The following HGS variants were observed in gnomAD, a reference collection of about 807,000 sequenced individuals.
HGS encodes the protein hepatocyte growth factor-regulated tyrosine kinase substrate, also known as human growth factor-regulated tyrosine kinase substrate.
A neutral mutation model predicts 109.7 loss-of-function variants in HGS; 63 were observed. The ratio of observed to expected loss-of-function variants is 0.57; its 90% CI spans 0.47 to 0.71. The LOEUF is 0.71. Among genes scored for constraint, HGS ranks in the 30% least tolerant of loss-of-function variants. The pLI is 0.00. For missense variants in HGS, 995 were observed against 1,068.3 expected, an observed-to-expected ratio of 0.93 and a Z score of 0.96; for synonymous variants, 546 against 437.3, an observed-to-expected ratio of 1.25 and a Z score of -3.10.
chr17:81,694,034 T>G, intron 11 of HGS, 69 bp downstream of exon 11: 1 of 1,363,648 alleles, frequency 7.3e-7, no homozygotes, highest in Non-Finnish European at 1.0e-6. Flanking sequence ...CGCGGGTCCC[T>G]GAGCTGATTT....
chr17:81,700,685 C>T lies in HGS; in HGVS notation c.2017-10C>T, dbSNP rs760029152. 35 of 1,533,594 alleles carry T rather than the reference C, an allele frequency of 2.3e-5. No individual in the cohort carries two copies. Among genetic ancestry groups the T allele is most frequent in the Admixed American group, 8.7e-5 (5 of 57,336 alleles). 95.0% of individuals were successfully genotyped at this position (1,533,594 alleles called of 1,614,324 possible). The stretch of plus-strand genomic sequence containing the variant: ...AGCCCCTTCTCCCATGGCACTCATT[C>T]CCTCCGCAGAACGTGGCCTCCCAGG... On this transcript the variant is annotated splice_polypyrimidine_tract_variant and intron_variant, in intron 19 of 21. Coordinates refer to ENST00000329138, the MANE Select transcript of HGS (RefSeq NM_004712.5).
chr17:81,689,512 CAGTG>C (rs762931047), intron 5 of HGS, among the ~76,000 whole-genome samples: 2 of 152,096 alleles, frequency 1.3e-5, no homozygotes, highest in Non-Finnish European at 2.9e-5. Context: ...AGGGCCCACT[CAGTG>C]AGAGAGAGGT....
chr17:81,696,862 G>A lies in HGS; in HGVS notation c.1746G>A (p.Gln582=). 2 of 1,610,946 alleles carry A rather than the reference G, an allele frequency of 1.2e-6. No individual in the cohort carries two copies. The highest frequency in any genetic ancestry group is 1.7e-6 in the Non-Finnish European group (2 of 1,179,742). ...CCGCAGCCGGAGGTGTGCTCTACCA[G>A]CCCTCGGGACCAGCCAGCTTCCCCA... is the stretch of plus-strand genomic sequence containing the variant. ...AMPAAGGVLY[Q]PSGPASFPST... Residue 582 remains glutamine (Q), a synonymous_variant, in exon 18 of 22, where the codon CAG becomes CAA. Coordinates refer to ENST00000329138, the MANE Select transcript of HGS (RefSeq NM_004712.5).
At chr17:81,690,093 C>T (rs113329763) in intron 5 of HGS, 89 bp from the exon 6 acceptor site, 31 of 1,415,026 alleles carry the variant, frequency 2.2e-5, no homozygotes, top group South Asian at 6.2e-5. Flanking sequence ...GTCACTGCTG[C>T]GTTGCAGCTG....
At chr17:81,692,730 C>A (rs1484847391) in intron 8 of HGS, 1 of 151,908 alleles carries the variant, frequency 6.6e-6, no homozygotes, top group Non-Finnish European at 1.5e-5. Context: ...TGCCTGTAAT[C>A]CCAGCACTTT....
At chr17:81,699,066 CAA>C (rs66717663) in intron 18 of HGS, among the ~76,000 whole-genome samples, 20 of 98,032 alleles carry the variant, frequency 2.0e-4, no homozygotes, top group Admixed American at 8.6e-4. Flanking sequence ...GACTCCGTCT[CAA>C]AAAAAAAAAA....
intron 4 of HGS, among the ~76,000 whole-genome samples, chr17:81,688,297 T>C (rs542862674): frequency 6.6e-6 from 1 of 151,690 alleles, no homozygotes; most frequent in South Asian, 2.1e-4. Context: ...TCTCCCCGGC[T>C]GTGACTGGAA....
chr17:81,700,177 C>T (rs374534944), intron 18 of HGS, among the ~76,000 whole-genome samples: 172 of 151,594 alleles, frequency 1.1e-3, no homozygotes, highest in African/African-American at 3.3e-3. Flanking sequence ...CAATCCTGGC[C>T]AACATGATGA....
chr17:81,701,619 C>G lies in HGS; in HGVS notation c.*1C>G. 1 of 1,559,904 alleles carries G rather than the reference C, an allele frequency of 6.4e-7. No homozygotes were observed. Among genetic ancestry groups the G allele is most frequent in the African/African-American group, 1.4e-5 (1 of 73,822 alleles). ...GGCCCAGCTCATTTCATTCGACTGA[C>G]CCAGGCCATGCTCACGTCCGGAGTA... On this transcript the variant is annotated 3_prime_UTR_variant, in exon 22 of 22. Transcript: ENST00000329138.
At chr17:81,695,476 T>A (rs2037131524) in intron 14 of HGS, among the ~76,000 whole-genome samples, 1 of 152,342 alleles carries the variant, frequency 6.6e-6, no homozygotes, top group Non-Finnish European at 1.5e-5. Context: ...CAGAGCAGCC[T>A]AGAACCATCA....
chr17:81,694,004 G>C, intron 11 of HGS, 39 bp downstream of exon 11: 3 of 1,553,956 alleles, frequency 1.9e-6, no homozygotes, highest in Non-Finnish European at 2.6e-6. Context: ...CTCCTGGAAG[G>C]CAGTAGGGTT....
At position 81,696,631 on chromosome 17, in the gene HGS, C is replaced by T. The variant is rs528506634; in HGVS notation, c.1591C>T (p.Leu531=). The T allele has an allele frequency of 1.8e-5, 29 of 1,609,664 alleles. No individual in the cohort carries two copies. The highest frequency in any genetic ancestry group is 2.3e-5 in the Non-Finnish European group (27 of 1,178,364). ...KQEYLEVQRQ[L]AIQRLQEQEK... is the part of the protein sequence containing the mutation. The stretch of plus-strand genomic sequence containing the variant: ...GGAGTACCTGGAGGTGCAGAGGCAG[C>T]TGGCCATCCAGCGCCTGCAGGAGCA... The change falls in exon 17 of 22, where the codon CTG becomes TTG. Residue 531 remains leucine, a synonymous_variant. Transcript: ENST00000329138.
Position 81,693,543 on chromosome 17 carries a change from C to G in HGS, c.703C>G (p.Pro235Ala), listed in dbSNP as rs781240810. The G allele has an allele frequency of 9.3e-6, 15 of 1,613,236 alleles. No individual in the cohort carries two copies. The highest frequency in any genetic ancestry group is 4.5e-5 in the East Asian group (2 of 44,880). ...GGCCACTTCCACCACTGAGCTGCCC[C>G]CCGAGTACCTGACCAGCCCCCTGTC... ...GKATSTTELP[P>A]EYLTSPLSQQ... Residue 235 changes from proline (P) to alanine (A), a missense_variant, in exon 9 of 22, where the codon CCC (proline) becomes GCC (alanine). Pro to Ala is a conservative substitution (Grantham distance 27). Coordinates refer to ENST00000329138, the MANE Select transcript of HGS (RefSeq NM_004712.5).
chr17:81,691,314 C>A lies in HGS; in HGVS notation c.538-133C>A. 1 of 1,121,366 alleles carries A rather than the reference C, an allele frequency of 8.9e-7. No homozygotes were observed. The highest frequency in any genetic ancestry group is 1.3e-6 in the Non-Finnish European group (1 of 765,382). The allele number at this position is 1,121,366 out of a possible 1,614,324, so 69.5% of individuals were successfully genotyped here. A position where few individuals can be genotyped will look rare whatever the true frequency, so the allele number is the denominator to read the frequency against. ...CCCGGCCTTAGGGTCTTCCCAGGCA[C>A]TTGTTCTGCTTGTCCCTTGCCTTCC... is the stretch of plus-strand genomic sequence containing the variant. On this transcript the variant is annotated intron_variant, in intron 7 of 21. Coordinates refer to ENST00000329138, the MANE Select transcript of HGS (RefSeq NM_004712.5). This position sits in a 1 kb window ranked among gnomAD's most constrained non-coding sequence, Gnocchi z 5.3.
intron 8 of HGS, chr17:81,692,413 CCCT>C (rs2037078365): frequency 6.6e-6 from 1 of 152,230 alleles, no homozygotes; most frequent in Non-Finnish European, 1.5e-5. Context: ...TGAGGCCATG[CCCT>C]CCTCAGGACA....
Position 81,691,618 on chromosome 17 carries a change from A to G in HGS, c.662+47A>G, listed in dbSNP as rs763318961. On this transcript the variant is annotated intron_variant, in intron 8 of 21. Transcript: ENST00000329138. The surrounding 1 kb of genome is among the most constrained non-coding windows in gnomAD (Gnocchi z 5.3). ...GGGCTGCAGGTGGGGCAGGCTCTCC[A>G]GGCTGGGTTTTCTGTCCCTCTTGGC... The G allele has an allele frequency of 2.4e-5, 38 of 1,611,350 alleles. No homozygotes were observed. Among genetic ancestry groups the G allele is most frequent in the Non-Finnish European group, 3.2e-5 (38 of 1,178,610 alleles).
chr17:81,700,384 AAG>A, intron 18 of HGS, 81 bp from the exon 19 acceptor site: 7 of 1,388,206 alleles, frequency 5.0e-6, no homozygotes, highest in Non-Finnish European at 6.8e-6. Flanking sequence ...AAAAAAAAAA[AAG>A]TAAAACTCAA....
chr17:81,697,060 T>C (rs2037162886), intron 18 of HGS, 62 bp downstream of exon 18: 2 of 1,475,562 alleles, frequency 1.4e-6, no homozygotes, highest in African/African-American at 2.8e-5. Context: ...TAGCCGAATT[T>C]ACAGAAAAGC....
chr17:81,694,927 G>T lies in HGS; in HGVS notation c.979G>T (p.Ala327Ser), dbSNP rs745572660. The T allele has an allele frequency of 6.2e-7, 1 of 1,614,208 alleles. No individual in the cohort carries two copies. Among genetic ancestry groups the T allele is most frequent in the Middle Eastern group, 1.6e-4 (1 of 6,062 alleles). Residue 327 changes from alanine to serine, a missense_variant, in exon 13 of 22, where the codon GCA (alanine) becomes TCA (serine). Ala to Ser is a moderately conservative substitution (Grantham distance 99, BLOSUM62 1). Coordinates refer to ENST00000329138, the MANE Select transcript of HGS (RefSeq NM_004712.5). The stretch of plus-strand genomic sequence containing the variant: ...GTGACCCCCTCATTGCCTGCAGCTC[G>T]CACGGTATCTCAACCGGAACTACTG... The part of the protein sequence containing the change: ...PLAEDIDPEL[A>S]RYLNRNYWEK...
Sources: gnomAD v4.1 joint callset for allele counts (sites outside exome capture counted in the v4.1 genomes callset) on GRCh38, gnomAD v4.1.1 for gene constraint, Gnocchi (gnomAD v3.1) non-coding constraint, MANE v1.5 for transcripts, NCBI Gene and HGNC (gene_info 2026-07-23, HGNC 2026-07-21) for gene names.